ADGRB2: variants seen among roughly 807,000 people sequenced by gnomAD.
ADGRB2 encodes adhesion G protein-coupled receptor B2, also known as brain-specific angiogenesis inhibitor 2.
A neutral mutation model predicts 178.7 loss-of-function variants in ADGRB2; 47 were observed. The ratio of observed to expected loss-of-function variants is 0.26; its 90% CI spans 0.21 to 0.34. ADGRB2 has a LOEUF of 0.34. ADGRB2 is among the 10% of genes least tolerant of loss of function. The pLI is 1.00. For missense variants in ADGRB2, 1,584 were observed against 2,180.8 expected (o/e 0.73, Z 5.45); for synonymous variants, 870 against 912.4 (o/e 0.95, Z 0.84).
At position 31,727,140 on chromosome 1, in the gene ADGRB2, A is replaced by C. The variant is rs1645031578; in HGVS notation, c.*280T>G. ...AATCCACAGAGTGAAGTTTATTCCC[A>C]ACAAAGTTCCCCTCCCCCCTCCCCA... On this transcript the variant is annotated 3_prime_UTR_variant, in exon 33 of 33. Transcript: ENST00000373658. The surrounding 1 kb of genome is among the most constrained non-coding windows in gnomAD (Gnocchi z 4.4). 2.5e-6 allele frequency: 1 copy of C among 392,248 alleles called. No individual in the cohort carries two copies. Among genetic ancestry groups the C allele is most frequent in the Admixed American group, 5.0e-5 (1 of 19,938 alleles). The allele number at this position is 392,248 out of a possible 1,614,324, so 24.3% of individuals were successfully genotyped here.
chr1:31,762,537 G>A (rs913040562), intron 1 of ADGRB2, among the ~76,000 whole-genome samples: 11 of 152,286 alleles, frequency 7.2e-5, no homozygotes, highest in Middle Eastern at 3.4e-3. Context: ...TGGAGCCCGC[G>A]GCCAATCCTG....
In ADGRB2 at chr1:31,759,170, A is replaced by G; in HGVS notation, c.-190-1659T>C. The G allele has an allele frequency of 1.4e-6, 1 of 705,642 alleles. No homozygotes were observed. Among genetic ancestry groups the G allele is most frequent in the Non-Finnish European group, 2.6e-6 (1 of 377,500 alleles). The allele number at this position is 705,642 out of a possible 1,614,324, so 43.7% of individuals were successfully genotyped here. Reference sequence around the variant, plus strand: ...TCACAGGAGTTCTGCATATGAATGGATACATATGTACACGGACATGCACAC... The same window carrying G: ...TCACAGGAGTTCTGCATATGAATGGGTACATATGTACACGGACATGCACAC... On this transcript the variant is annotated intron_variant, in intron 1 of 32. Transcript: ENST00000373658. The surrounding 1 kb of genome is among the most constrained non-coding windows in gnomAD (Gnocchi z 4.3).
At position 31,728,595 on chromosome 1, in the gene ADGRB2, T is replaced by A; in HGVS notation, c.4416+3A>T. 6.2e-7 allele frequency: 1 copy of A among 1,614,012 alleles called. No individual in the cohort carries two copies. The highest frequency in any genetic ancestry group is 8.5e-7 in the Non-Finnish European group (1 of 1,179,970). On this transcript the variant is annotated splice_donor_region_variant and intron_variant, in intron 30 of 32. Coordinates refer to ENST00000373658, the MANE Select transcript of ADGRB2 (RefSeq NM_001364857.2). The surrounding 1 kb of genome is among the most constrained non-coding windows in gnomAD (Gnocchi z 6.7). ...CACCGCCCAGCACACACATGGCCCT[T>A]ACCTCAAAGTCCAGGTCTGAATACC... is the stretch of plus-strand genomic sequence containing the variant.
In ADGRB2 at chr1:31,744,286, G is replaced by A. The variant is rs1212449443; in HGVS notation, c.994C>T (p.Arg332Trp). The A allele has an allele frequency of 9.7e-6, 15 of 1,551,172 alleles. No individual in the cohort carries two copies. The highest frequency in any genetic ancestry group is 1.4e-5 in the African/African-American group (1 of 72,994). The stretch of plus-strand genomic sequence containing the variant: ...GGGGAGGACACACAGGAGCGGGTCC[G>A]CACCTGCAGACCCTGCCCACACGTC... ...SLTCGQGLQVRTRSCVSSPYG... is the reference protein window; with the variant it reads ...SLTCGQGLQVWTRSCVSSPYG... The change falls in exon 6 of 33, where the codon CGG becomes TGG. Residue 332 changes from arginine (R) to tryptophan (W), a missense_variant. Physicochemically the swap from Arg to Trp is moderately radical, Grantham distance 101 (BLOSUM62 -3). This residue lies in a region of ADGRB2 where 657 missense variants were observed against 847.6 expected (regional missense o/e 0.78). Transcript: ENST00000373658. This position sits in a 1 kb window ranked among gnomAD's most constrained non-coding sequence, Gnocchi z 6.7.
Position 31,728,357 on chromosome 1 carries a change from C to A in ADGRB2, c.4417-77G>T. On this transcript the variant is annotated intron_variant, in intron 30 of 32. Coordinates refer to ENST00000373658, the MANE Select transcript of ADGRB2 (RefSeq NM_001364857.2). This position sits in a 1 kb window ranked among gnomAD's most constrained non-coding sequence, Gnocchi z 6.7. ...CCCCCTACCCAGGGCACTCAGCACC[C>A]CAAGCCCCCCACATCCCTCCCTGCT... is the stretch of plus-strand genomic sequence containing the variant. The A allele has an allele frequency of 1.4e-6, 2 of 1,465,454 alleles. No homozygotes were observed. Among genetic ancestry groups the A allele is most frequent in the South Asian group, 2.3e-5 (2 of 85,926 alleles). 90.8% of individuals were successfully genotyped at this position (1,465,454 alleles called of 1,614,324 possible). A position where few individuals can be genotyped will look rare whatever the true frequency, so the allele number is the denominator to read the frequency against.
rs145190275 is a variant in ADGRB2, at chr1:31,728,012, C to A, written c.4572+13G>T. 2 of 1,550,890 alleles carry A rather than the reference C, an allele frequency of 1.3e-6. No individual in the cohort carries two copies. The highest frequency in any genetic ancestry group is 2.4e-5 in the East Asian group (1 of 41,864). Reference sequence around the variant, plus strand: ...CAGGCCCACCTCACCCCACCCAGCCCGGGGGGACTCACGGTGCACACGCTC... The same window carrying A: ...CAGGCCCACCTCACCCCACCCAGCCAGGGGGGACTCACGGTGCACACGCTC... On this transcript the variant is annotated intron_variant, in intron 32 of 32. Coordinates refer to ENST00000373658, the MANE Select transcript of ADGRB2 (RefSeq NM_001364857.2). The surrounding 1 kb of genome is among the most constrained non-coding windows in gnomAD (Gnocchi z 6.7).
Position 31,756,159 on chromosome 1 carries a change from A to T in ADGRB2, c.678T>A (p.Pro226=), listed in dbSNP as rs764309481. ...TGGTGGAGCCGGCCCCCGCCTCTCC[A>T]GGGCAGCTGCAGCCTGGCTGAGCAA... ...CGFAQPGCSC[P]GEAGAGSTTT... The change falls in exon 4 of 33, where the codon CCT becomes CCA. Residue 226 remains proline, a synonymous_variant. Transcript: ENST00000373658. The surrounding 1 kb of genome is among the most constrained non-coding windows in gnomAD (Gnocchi z 8.5). The T allele has an allele frequency of 8.7e-6, 14 of 1,613,260 alleles. No homozygotes were observed. The South Asian group carries it at 1.4e-4, about 16-fold the overall frequency.
chr1:31,734,335 CA>C (rs1415206042), intron 25 of ADGRB2, among the ~76,000 whole-genome samples: 1 of 152,204 alleles, frequency 6.6e-6, no homozygotes, highest in Non-Finnish European at 1.5e-5. Context: ...GGAGTGAGCC[CA>C]GCTGGGCAGG....
intron 26 of ADGRB2, 89 bp downstream of exon 26, chr1:31,732,883 C>T: frequency 6.8e-7 from 1 of 1,465,064 alleles, no homozygotes; most frequent in Non-Finnish European, 9.1e-7. Flanking sequence ...CTGGTCGGGG[C>T]CTCGATCCTC....
In ADGRB2 at chr1:31,756,488, C is replaced by A. The variant is rs774526760; in HGVS notation, c.349G>T (p.Ala117Ser). The change falls in exon 4 of 33, where the codon GCG (alanine) becomes TCG (serine). Residue 117 changes from alanine to serine, a missense_variant. Coordinates refer to ENST00000373658, the MANE Select transcript of ADGRB2 (RefSeq NM_001364857.2). This position sits in a 1 kb window ranked among gnomAD's most constrained non-coding sequence, Gnocchi z 8.5. ...FTCLRPSPEE[A>S]VAQAESEVGR... ...ACCTCTGACTCCGCCTGGGCCACCG[C>A]CTCCTCGGGGCTAGGCCGCAGGCAG... The A allele has an allele frequency of 2.5e-6, 4 of 1,612,226 alleles. No homozygotes were observed. In the South Asian group the frequency reaches 4.4e-5, roughly 18 times the overall value.
Position 31,756,128 on chromosome 1 carries a change from T to C in ADGRB2, c.709A>G (p.Thr237Ala). Reference protein sequence around the residue: ...GEAGAGSTTTTSPGPPAAHTL... With the variant: ...GEAGAGSTTTASPGPPAAHTL... Reference sequence around the variant, plus strand: ...TGGGCAGCAGGAGGGCCTGGAGATGTGGTGGTGGTGGAGCCGGCCCCCGCC... The same window carrying C: ...TGGGCAGCAGGAGGGCCTGGAGATGCGGTGGTGGTGGAGCCGGCCCCCGCC... Residue 237 changes from threonine (T) to alanine (A), a missense_variant, in exon 4 of 33, where the codon ACA (threonine) becomes GCA (alanine). Thr to Ala is a moderately conservative substitution (Grantham distance 58, BLOSUM62 0). Around this residue, in one of 3 missense-constraint regions of ADGRB2, gnomAD observed 657 missense variants for 847.6 expected, o/e 0.78. Coordinates refer to ENST00000373658, the MANE Select transcript of ADGRB2 (RefSeq NM_001364857.2). This position sits in a 1 kb window ranked among gnomAD's most constrained non-coding sequence, Gnocchi z 8.5. 2 of 1,613,310 alleles carry C rather than the reference T, an allele frequency of 1.2e-6. No individual in the cohort carries two copies. Among genetic ancestry groups the C allele is most frequent in the Non-Finnish European group, 1.7e-6 (2 of 1,179,832 alleles).
chr1:31,756,782 G>T lies in ADGRB2; in HGVS notation c.55C>A (p.Leu19Ile), dbSNP rs1320367313. The T allele has an allele frequency of 8.0e-6, 12 of 1,508,444 alleles. No individual in the cohort carries two copies. The highest frequency in any genetic ancestry group is 1.1e-5 in the Non-Finnish European group (12 of 1,125,474). 93.4% of individuals were successfully genotyped at this position (1,508,444 alleles called of 1,614,324 possible). Reference protein sequence around the residue: ...KGHRMTPACPLLLSVILSLRL... With the variant: ...KGHRMTPACPILLSVILSLRL... ...AGGGACAGAATCACAGACAGTAAGAGGGGACAGGCTGGGGTCATCCTATGT... is the reference window on the plus strand; with the variant it reads ...AGGGACAGAATCACAGACAGTAAGATGGGACAGGCTGGGGTCATCCTATGT... The change falls in exon 4 of 33, where the codon CTC (leucine) becomes ATC (isoleucine). Residue 19 changes from leucine (L) to isoleucine (I), a missense_variant. Around this residue, in one of 3 missense-constraint regions of ADGRB2, gnomAD observed 657 missense variants for 847.6 expected, o/e 0.78. Coordinates refer to ENST00000373658, the MANE Select transcript of ADGRB2 (RefSeq NM_001364857.2). The surrounding 1 kb of genome is among the most constrained non-coding windows in gnomAD (Gnocchi z 8.5).
intron 14 of ADGRB2, 75 bp from the exon 15 acceptor site, chr1:31,739,710 G>C (rs1645829410): frequency 1.4e-6 from 2 of 1,475,442 alleles, no homozygotes; most frequent in African/African-American, 2.8e-5. Flanking sequence ...GGAAGAGACA[G>C]ATGTAGGGGA....
chr1:31,746,569 G>A (rs1646284582), intron 4 of ADGRB2, among the ~76,000 whole-genome samples: 1 of 152,260 alleles, frequency 6.6e-6, no homozygotes, highest in South Asian at 2.1e-4. Flanking sequence ...GGACTTCTCA[G>A]TGGCCCTTCT....
At chr1:31,729,155 T>G (rs1645149644) in intron 29 of ADGRB2, among the ~76,000 whole-genome samples, 1 of 152,080 alleles carries the variant, frequency 6.6e-6, no homozygotes. Context: ...CAGACCACTT[T>G]CAAGGCCCCA....
chr1:31,750,871 G>A (rs1268730029), intron 4 of ADGRB2, among the ~76,000 whole-genome samples: 1 of 151,948 alleles, frequency 6.6e-6, no homozygotes, highest in Non-Finnish European at 1.5e-5. Flanking sequence ...TAGCCAGAAT[G>A]CCAGACCGCC....
At chr1:31,737,380 C>T in intron 20 of ADGRB2, 49 bp downstream of exon 20, 1 of 1,533,908 alleles carries the variant, frequency 6.5e-7, no homozygotes, top group Middle Eastern at 1.7e-4. Context: ...TCCACCCTCA[C>T]CCCTCCACCC....
chr1:31,737,909 G>T (rs1645712310), intron 18 of ADGRB2, among the ~76,000 whole-genome samples, 154 bp from the exon 19 acceptor site: 1 of 152,124 alleles, frequency 6.6e-6, no homozygotes, highest in Non-Finnish European at 1.5e-5. Context: ...ACAGACCCGG[G>T]TATCTATGTG....
At position 31,731,046 on chromosome 1, in the gene ADGRB2, C is replaced by G. The variant is rs909001; in HGVS notation, c.4134G>C (p.Pro1378=). The change falls in exon 29 of 33, where the codon CCG becomes CCC. Residue 1378 remains proline, a synonymous_variant. Coordinates refer to ENST00000373658, the MANE Select transcript of ADGRB2 (RefSeq NM_001364857.2). The part of the protein sequence containing the change: ...GGGEDAPRAR[P]EGTPRRAAKT... ...TGGCAGCTCGCCGGGGGGTCCCCTC[C>G]GGCCGGGCCCTGGGGGCATCCTCAC... 341,472 of 1,583,790 alleles carry G rather than the reference C, an allele frequency of 0.22. 47,546 individuals carry two copies. The highest frequency in any genetic ancestry group is 0.67 in the African/African-American group (49,886 of 74,300).
Sources: gnomAD v4.1 joint callset for allele counts (sites outside exome capture counted in the v4.1 genomes callset) on GRCh38, gnomAD v4.1.1 for gene constraint, gnomAD v4.1.1 regional missense constraint, Gnocchi (gnomAD v3.1) non-coding constraint, MANE v1.5 for transcripts, NCBI Gene and HGNC (gene_info 2026-07-23, HGNC 2026-07-21) for gene names.